The following BACH2 variants were observed in gnomAD, a reference collection of about 807,000 sequenced individuals.
BACH2 encodes the protein BACH transcriptional regulator 2, also known as transcription regulator protein BACH2.
BACH2 carries 5 observed loss-of-function variants against 61.8 expected under a neutral mutation model. The ratio of observed to expected loss-of-function variants is 0.08; its 90% CI spans 0.04 to 0.17. The LOEUF is 0.17. Ranked by LOEUF, BACH2 falls within the 10% of genes least tolerant of loss-of-function variation. The probability of loss-of-function intolerance (pLI) is 1.00; values close to 1 mark genes in which losing one functional copy is unlikely to be tolerated. For synonymous variants in BACH2, 446 were observed against 440.1 expected, an observed-to-expected ratio of 1.01 and a Z score of -0.17; for missense variants, 824 against 1,091.1, an observed-to-expected ratio of 0.76 and a Z score of 3.45.
chr6:90,018,442 T>C (rs990169384), intron 5 of BACH2, among the ~76,000 whole-genome samples: 15 of 152,234 alleles, frequency 9.9e-5, no homozygotes, highest in Non-Finnish European at 1.9e-4. Context: ...TTGTTTTCCT[T>C]TCCTGGGGAT....
intron 1 of BACH2, among the ~76,000 whole-genome samples, chr6:90,295,196 G>A (rs992284594): frequency 6.6e-6 from 1 of 152,166 alleles, no homozygotes; most frequent in South Asian, 2.1e-4. Flanking sequence ...GTGACCGGGA[G>A]AGCAGGCTGC....
chr6:90,111,488 C>A (rs1039660054), intron 4 of BACH2, among the ~76,000 whole-genome samples: 2 of 152,246 alleles, frequency 1.3e-5, no homozygotes, highest in Non-Finnish European at 2.9e-5. Context: ...CCCCTATTTT[C>A]TCATTCATGC....
chr6:89,991,633 AG>A (rs1776575521), intron 6 of BACH2, among the ~76,000 whole-genome samples: 1 of 152,230 alleles, frequency 6.6e-6, no homozygotes, highest in Admixed American at 6.5e-5. Flanking sequence ...ACCTAAAAAA[AG>A]TAATGTTGAT....
intron 5 of BACH2, among the ~76,000 whole-genome samples, chr6:90,053,444 A>T (rs911766883): frequency 2.6e-5 from 4 of 151,852 alleles, no homozygotes; most frequent in Admixed American, 6.6e-5. Context: ...CCATTTGGCT[A>T]ATTTATTTAT....
At position 89,951,617 on chromosome 6, in the gene BACH2, C is replaced by T. The variant is rs1326755303; in HGVS notation, c.489G>A (p.Glu163=). ...HEDCENSAGE[E]EDEEEETMDS... ...CCATCGTCTCCTCCTCTTCATCCTC[C>T]TCCTCTCCTGCAGAGTTCTCGCAGT... Residue 163 remains glutamate, a synonymous_variant, in exon 7 of 9, where the codon GAG becomes GAA. Transcript: ENST00000257749. The surrounding 1 kb of genome is among the most constrained non-coding windows in gnomAD (Gnocchi z 6.4). 26 of 1,614,194 alleles carry T rather than the reference C, an allele frequency of 1.6e-5. No individual in the cohort carries two copies. Among genetic ancestry groups the T allele is most frequent in the South Asian group, 2.2e-5 (2 of 91,088 alleles).
chr6:90,062,999 G>A (rs1780766470), intron 5 of BACH2: 3 of 888,964 alleles, frequency 3.4e-6, no homozygotes, highest in Non-Finnish European at 4.0e-6. Context: ...ACAACCAGAT[G>A]TATAGGGAAA....
intron 1 of BACH2, among the ~76,000 whole-genome samples, chr6:90,282,362 C>T (rs185337974): frequency 1.3e-4 from 20 of 152,140 alleles, no homozygotes; most frequent in African/African-American, 2.6e-4. Context: ...TATGTCCATG[C>T]GTTTTCATCA....
intron 4 of BACH2, among the ~76,000 whole-genome samples, chr6:90,147,491 C>T (rs537133165): frequency 6.6e-6 from 1 of 152,316 alleles, no homozygotes; most frequent in South Asian, 2.1e-4. Context: ...CGCTGGTATC[C>T]TGGATCCCGG....
chr6:90,029,916 G>C (rs1444309540), intron 5 of BACH2, among the ~76,000 whole-genome samples: 1 of 152,160 alleles, frequency 6.6e-6, no homozygotes, highest in Non-Finnish European at 1.5e-5. Flanking sequence ...ATAATGGGAT[G>C]GTACAAAAGC....
intron 5 of BACH2, among the ~76,000 whole-genome samples, chr6:90,048,420 G>T (rs1779888546): frequency 6.6e-6 from 1 of 152,168 alleles, no homozygotes; most frequent in African/African-American, 2.4e-5. Flanking sequence ...GCCATGGCAT[G>T]TCATCAGACA....
At chr6:90,017,811 C>T (rs1778149725) in intron 5 of BACH2, among the ~76,000 whole-genome samples, 1 of 152,146 alleles carries the variant, frequency 6.6e-6, no homozygotes, top group African/African-American at 2.4e-5. Flanking sequence ...TATTTATCTT[C>T]ATTGTGAGTT....
chr6:90,252,325 CT>C (rs1210918024), intron 3 of BACH2, among the ~76,000 whole-genome samples, 187 bp downstream of exon 3: 1 of 152,144 alleles, frequency 6.6e-6, no homozygotes, highest in Non-Finnish European at 1.5e-5. Flanking sequence ...TCAAAGAGAG[CT>C]TTGGGCCCCA....
At chr6:90,053,294 T>C (rs1208541048) in intron 5 of BACH2, among the ~76,000 whole-genome samples, 1 of 152,130 alleles carries the variant, frequency 6.6e-6, no homozygotes, top group African/African-American at 2.4e-5. Context: ...TTTTCTTTTA[T>C]TTAGAGACAG....
At position 90,138,938 on chromosome 6, in the gene BACH2, A is replaced by C. The variant is rs1398870483; in HGVS notation, c.-161-49829T>G. 2.6e-5 allele frequency among the ~76,000 whole-genome samples: 4 copies of C among 152,166 alleles called. No homozygotes were observed. The East Asian group carries it at 7.7e-4, about 29-fold the overall frequency. ...GGGAAGGAGACTGGGGTGAAGTTAA[A>C]CCTGCGGGCCTCAAGTAGGACACAT... On this transcript the variant is annotated intron_variant, in intron 4 of 8. Coordinates refer to ENST00000257749, the MANE Select transcript of BACH2 (RefSeq NM_021813.4).
At chr6:90,028,818 C>G (rs1778782334) in intron 5 of BACH2, among the ~76,000 whole-genome samples, 1 of 152,232 alleles carries the variant, frequency 6.6e-6, no homozygotes, top group African/African-American at 2.4e-5. Context: ...CATTCACTAG[C>G]TGCAAAACCT....
chr6:89,991,834 G>T (rs1290115783), intron 6 of BACH2, among the ~76,000 whole-genome samples: 1 of 151,698 alleles, frequency 6.6e-6, no homozygotes, highest in Non-Finnish European at 1.5e-5. Context: ...TGATATTTTT[G>T]AAAAGTTCAG....
In BACH2 at chr6:89,928,866, T is replaced by G. The variant is rs1584488744; in HGVS notation, c.*3542A>C. 2.3e-5 allele frequency: 1 copy of G among 42,680 alleles called. No homozygotes were observed. The allele number at this position is 42,680 out of a possible 1,614,324, so 2.6% of individuals were successfully genotyped here. Reference sequence around the variant, plus strand: ...CAGGATGGCCTCGTAACTTTGTCGGTTTTTTTTTTTTTAAAGTTTTTCTAA... The same window carrying G: ...CAGGATGGCCTCGTAACTTTGTCGGGTTTTTTTTTTTTAAAGTTTTTCTAA... On this transcript the variant is annotated 3_prime_UTR_variant, in exon 9 of 9. Coordinates refer to ENST00000257749, the MANE Select transcript of BACH2 (RefSeq NM_021813.4).
At chr6:90,007,261 A>G (rs1379725557) in intron 6 of BACH2, among the ~76,000 whole-genome samples, 1 of 151,952 alleles carries the variant, frequency 6.6e-6, no homozygotes, top group Admixed American at 6.6e-5. Context: ...TTTTTGGTAG[A>G]GATGGGGTTT....
chr6:90,000,536 G>A (rs1024255493), intron 6 of BACH2, among the ~76,000 whole-genome samples: 1 of 152,090 alleles, frequency 6.6e-6, no homozygotes, highest in African/African-American at 2.4e-5. Flanking sequence ...AACACCTACT[G>A]TTTCTATAGC....
Sources: gnomAD v4.1 joint callset for allele counts (sites outside exome capture counted in the v4.1 genomes callset) on GRCh38, gnomAD v4.1.1 for gene constraint, Gnocchi (gnomAD v3.1) non-coding constraint, MANE v1.5 for transcripts, NCBI Gene and HGNC (gene_info 2026-07-23, HGNC 2026-07-21) for gene names.